COPB1: variants seen among roughly 807,000 people sequenced by gnomAD.
COPB1 encodes coat protein complex I subunit beta 1.
In COPB1, 21 loss-of-function variants were observed where a neutral mutation model predicts 108.7. That is an observed-to-expected ratio of 0.19 (90% CI 0.14 to 0.28). COPB1 has a LOEUF of 0.28. COPB1 is among the 10% of genes least tolerant of loss of function. COPB1 has a pLI of 1.00. For synonymous variants in COPB1, 378 were observed against 386.8 expected, an observed-to-expected ratio of 0.98 and a Z score of 0.27; for missense variants, 919 against 1,141.3, an observed-to-expected ratio of 0.81 and a Z score of 2.81.
At chr11:14,459,927 T>C (rs1033388403) in intron 20 of COPB1, 1 of 245,258 alleles carries the variant, frequency 4.1e-6, no homozygotes, top group Admixed American at 5.6e-5. Context: ...TAAACTACTT[T>C]AGAATGTGCC....
At chr11:14,476,731 G>A (rs1011937795) in intron 12 of COPB1, among the ~76,000 whole-genome samples, 188 bp downstream of exon 12, 6 of 150,006 alleles carry the variant, frequency 4.0e-5, no homozygotes, top group Non-Finnish European at 8.9e-5. Flanking sequence ...TCAGAATACA[G>A]GCTAAAGCAG....
chr11:14,469,582 C>T lies in COPB1; in HGVS notation c.1738-19G>A, dbSNP rs770556710. The T allele has an allele frequency of 3.8e-6, 6 of 1,590,160 alleles. No individual in the cohort carries two copies. The Admixed American group carries it at 5.0e-5, about 13-fold the overall frequency. ...CAAAAGACTAAGAAAGTAAAGAAAT[C>T]GGTTACTGATATTGTCTTGATTCTC... On this transcript the variant is annotated intron_variant, in intron 14 of 21. Transcript: ENST00000439561.
At chr11:14,460,056 C>T in intron 20 of COPB1, 152 bp downstream of exon 20, 1 of 553,032 alleles carries the variant, frequency 1.8e-6, no homozygotes. Flanking sequence ...AAGAGGTAAG[C>T]AGATTCCAAC....
intron 14 of COPB1, among the ~76,000 whole-genome samples, chr11:14,471,273 AT>A (rs1183549710): frequency 6.6e-6 from 1 of 152,188 alleles, no homozygotes; most frequent in Non-Finnish European, 1.5e-5. Flanking sequence ...TGCCAGTGAG[AT>A]TATAAGCAAC....
chr11:14,470,944 A>ACACACACACACACTCTCT (rs1285522756), intron 14 of COPB1, among the ~76,000 whole-genome samples: 22 of 90,200 alleles, frequency 2.4e-4, no homozygotes, highest in African/African-American at 1.1e-3. Flanking sequence ...ACACACACAC[A>ACACACACACACACTCTCT]CTCTCTCTCT....
intron 18 of COPB1, among the ~76,000 whole-genome samples, chr11:14,461,589 C>G (rs1278411679): frequency 6.6e-6 from 1 of 152,120 alleles, no homozygotes; most frequent in Non-Finnish European, 1.5e-5. Context: ...TGTTCCAGAT[C>G]ACACAACTGA....
intron 10 of COPB1, among the ~76,000 whole-genome samples, 192 bp downstream of exon 10, chr11:14,480,567 A>G (rs1263688155): frequency 6.6e-6 from 1 of 152,068 alleles, no homozygotes; most frequent in African/African-American, 2.4e-5. Flanking sequence ...TGTTTTTTTG[A>G]TGAATATATA....
intron 18 of COPB1, 121 bp from the exon 19 acceptor site, chr11:14,461,452 A>G: frequency 3.0e-6 from 3 of 983,688 alleles, no homozygotes. Flanking sequence ...TATAATACTT[A>G]TTATGTACAG....
At chr11:14,488,416 T>A (rs1224186133) in intron 6 of COPB1, 76 bp downstream of exon 6, 12 of 747,662 alleles carry the variant, frequency 1.6e-5, no homozygotes, top group Non-Finnish European at 2.1e-5. Flanking sequence ...TAGCAATAAT[T>A]ATCCCAGAAA....
At chr11:14,469,002 T>C in intron 15 of COPB1, 142 bp from the exon 16 acceptor site, 2 of 745,078 alleles carry the variant, frequency 2.7e-6, no homozygotes, top group South Asian at 1.9e-5. Flanking sequence ...TTCTTTTCTT[T>C]TTTTTCTTCC....
At chr11:14,465,089 A>AT in intron 17 of COPB1, 59 bp from the exon 18 acceptor site, 1 of 1,473,320 alleles carries the variant, frequency 6.8e-7, no homozygotes, top group Non-Finnish European at 9.1e-7. Flanking sequence ...ACACACACAC[A>AT]CACACACACA....
At chr11:14,460,113 A>T (rs1850111333) in intron 20 of COPB1, 95 bp downstream of exon 20, 1 of 744,736 alleles carries the variant, frequency 1.3e-6, no homozygotes, top group Admixed American at 2.3e-5. Context: ...GGTACTGCAT[A>T]TTGAATAACA....
At chr11:14,479,763 GA>G (rs1412831241) in intron 10 of COPB1, 49 bp from the exon 11 acceptor site, 1 of 1,464,996 alleles carries the variant, frequency 6.8e-7, no homozygotes, top group African/African-American at 1.5e-5. Context: ...TTTTCGAAAA[GA>G]AAATTATCTA....
chr11:14,458,763 C>CTT (rs34021860), intron 20 of COPB1, 76 bp from the exon 21 acceptor site: 1,683 of 794,452 alleles, frequency 2.1e-3, no homozygotes, highest in Middle Eastern at 2.5e-3. Context: ...GCATAGGTGA[C>CTT]TTTTTTTTTT....
intron 7 of COPB1, among the ~76,000 whole-genome samples, chr11:14,485,810 T>C (rs1293192563): frequency 6.6e-6 from 1 of 152,084 alleles, no homozygotes; most frequent in Admixed American, 6.6e-5. Flanking sequence ...ATTGCCTCAC[T>C]CCAGCCTGGG....
intron 18 of COPB1, among the ~76,000 whole-genome samples, chr11:14,463,605 C>G (rs557766866): frequency 9.2e-5 from 14 of 152,302 alleles, no homozygotes; most frequent in African/African-American, 3.4e-4. Flanking sequence ...CAGGTATGAG[C>G]CACCACACCC....
At chr11:14,464,301 C>G (rs946678614) in intron 18 of COPB1, among the ~76,000 whole-genome samples, 1 of 152,216 alleles carries the variant, frequency 6.6e-6, no homozygotes, top group Admixed American at 6.5e-5. Context: ...TGGATTCCTA[C>G]CTTACTTAGT....
intron 16 of COPB1, 32 bp from the exon 17 acceptor site, chr11:14,466,458 T>C (rs1019476380): frequency 1.3e-6 from 2 of 1,592,110 alleles, no homozygotes; most frequent in East Asian, 2.2e-5. Context: ...CATAATCAAA[T>C]GACAGATGCA....
At chr11:14,495,189 C>T (rs1189269450) in intron 2 of COPB1, among the ~76,000 whole-genome samples, 2 of 152,286 alleles carry the variant, frequency 1.3e-5, no homozygotes, top group Admixed American at 1.3e-4. Flanking sequence ...TCATTGCATA[C>T]TGAAGAATTT....
Sources: gnomAD v4.1 joint callset for allele counts (sites outside exome capture counted in the v4.1 genomes callset) on GRCh38, gnomAD v4.1.1 for gene constraint, MANE v1.5 for transcripts, NCBI Gene and HGNC (gene_info 2026-07-23, HGNC 2026-07-21) for gene names.